Variants in LYST observed in about 807,000 individuals in gnomAD.
The protein encoded by LYST is lysosomal-trafficking regulator.
LYST carries 192 observed loss-of-function variants against 413.6 expected under a neutral mutation model. The observed-to-expected ratio is 0.46, with a 90% CI of 0.41 to 0.52. The LOEUF is 0.52. Among genes scored for constraint, LYST ranks in the 20% least tolerant of loss-of-function variants. The pLI is 0.00. For synonymous variants in LYST, 1,525 were observed against 1,567.3 expected (o/e 0.97, Z 0.64); for missense variants, 3,815 against 4,499.9 (o/e 0.85, Z 4.35).
In LYST at chr1:235,808,745, AT is replaced by A; in HGVS notation, c.2072del (p.Asp691ValfsTer3). ...SGSEDLLWKW[D>X]ALKAYQNFVF... is the part of the protein sequence containing the mutation. Reference sequence around the variant, plus strand: ...CAAAGTTCTGATAAGCCTTTAAAGCATCCCATTTCCACAACAAATCTTCAGA... The same window carrying A: ...CAAAGTTCTGATAAGCCTTTAAAGCACCCATTTCCACAACAAATCTTCAGA... On this transcript the variant is annotated frameshift_variant, in exon 5 of 53. Coordinates refer to ENST00000389793, the MANE Select transcript of LYST (RefSeq NM_000081.4). LOFTEE classifies it high-confidence loss of function. The A allele has an allele frequency of 6.2e-7, 1 of 1,614,034 alleles. No individual in the cohort carries two copies. The highest frequency in any genetic ancestry group is 8.5e-7 in the Non-Finnish European group (1 of 1,179,984).
At chr1:235,826,267 A>G (rs1675324473) in intron 3 of LYST, among the ~76,000 whole-genome samples, 1 of 152,194 alleles carries the variant, frequency 6.6e-6, no homozygotes, top group Admixed American at 6.5e-5. Context: ...TTTGCCCACA[A>G]ATTGTATGCC....
At chr1:235,811,313 G>A (rs13376131) in intron 4 of LYST, among the ~76,000 whole-genome samples, 5,658 of 152,236 alleles carry the variant, frequency 0.037, 347 homozygotes, top group African/African-American at 0.13. Context: ...TAATTAAAAT[G>A]TAAGGATGTA....
intron 48 of LYST, among the ~76,000 whole-genome samples, chr1:235,684,809 G>T (rs558421101): frequency 1.3e-5 from 2 of 150,150 alleles, no homozygotes; most frequent in Admixed American, 6.6e-5. Flanking sequence ...GTTTTTTTTT[G>T]GTAGAAATAA....
At position 235,792,066 on chromosome 1, in the gene LYST, T is replaced by A; in HGVS notation, c.4176A>T (p.Ser1392=). 1 of 1,613,696 alleles carries A rather than the reference T, an allele frequency of 6.2e-7. No homozygotes were observed. The highest frequency in any genetic ancestry group is 8.5e-7 in the Non-Finnish European group (1 of 1,179,596). Residue 1392 remains serine, a synonymous_variant, in exon 12 of 53, where the codon TCA becomes TCT. Coordinates refer to ENST00000389793, the MANE Select transcript of LYST (RefSeq NM_000081.4). ...GCAGTAAAGGGAAGGTTAGATACTG[T>A]GAAGGGCTCATAGTAGTATCACTTT... The part of the protein sequence containing the change: ...IIESDTTMSP[S]QYLTFPLLHA...
At chr1:235,706,501 G>C (rs769794793) in intron 44 of LYST, among the ~76,000 whole-genome samples, 1 of 151,948 alleles carries the variant, frequency 6.6e-6, no homozygotes, top group Non-Finnish European at 1.5e-5. Context: ...TAACTACTTG[G>C]GGTCTTATTT....
At chr1:235,701,696 G>C (rs1661569513) in intron 45 of LYST, among the ~76,000 whole-genome samples, 1 of 152,172 alleles carries the variant, frequency 6.6e-6, no homozygotes, top group Admixed American at 6.5e-5. Context: ...TAATTACAGT[G>C]ACTAAAGTGA....
chr1:235,688,464 T>C (rs891428761), intron 47 of LYST, among the ~76,000 whole-genome samples: 3 of 152,190 alleles, frequency 2.0e-5, no homozygotes, highest in African/African-American at 7.2e-5. Context: ...CAGGAAAGTA[T>C]AAAAGAAGGC....
chr1:235,797,687 CG>C (rs777709844), intron 10 of LYST, among the ~76,000 whole-genome samples: 7 of 151,980 alleles, frequency 4.6e-5, no homozygotes, highest in Non-Finnish European at 1.0e-4. Flanking sequence ...ATAAAACTTA[CG>C]GGGAACATTC....
intron 23 of LYST, 142 bp downstream of exon 23, chr1:235,758,830 G>C: frequency 1.4e-6 from 1 of 712,508 alleles, no homozygotes; most frequent in South Asian, 1.8e-5. Context: ...CTTTCTGTTT[G>C]TTATTATTAT....
intron 40 of LYST, among the ~76,000 whole-genome samples, chr1:235,720,348 T>C (rs751236237): frequency 6.6e-6 from 1 of 152,146 alleles, no homozygotes; most frequent in Non-Finnish European, 1.5e-5. Context: ...CATGGAATTA[T>C]TGTCAATTTT....
chr1:235,797,182 A>G (rs761596211), intron 10 of LYST, among the ~76,000 whole-genome samples: 6 of 152,226 alleles, frequency 3.9e-5, no homozygotes, highest in Non-Finnish European at 8.8e-5. Flanking sequence ...CAGCAGCATT[A>G]TACATAGTAG....
rs1673207228 is a variant in LYST, at chr1:235,809,365, T to C, written c.1453A>G (p.Lys485Glu). ...TGATGAAGTTGCTCTGATTTCACTT[T>C]TTTGACAGTGCTCATTATTTTCATC... ...SVMKIMSTVK[K>E]VKSEQLHHSM... The change falls in exon 5 of 53, where the codon AAA (lysine) becomes GAA (glutamate). Residue 485 changes from lysine to glutamate, a missense_variant. Physicochemically the swap from Lys to Glu is moderately conservative, Grantham distance 56. Transcript: ENST00000389793. The surrounding 1 kb of genome is among the most constrained non-coding windows in gnomAD (Gnocchi z 4.0). 1 of 1,614,006 alleles carries C rather than the reference T, an allele frequency of 6.2e-7. No homozygotes were observed. The highest frequency in any genetic ancestry group is 1.1e-5 in the South Asian group (1 of 91,084).
chr1:235,684,687 C>T (rs1019958709), intron 48 of LYST, among the ~76,000 whole-genome samples: 10 of 152,184 alleles, frequency 6.6e-5, no homozygotes, highest in African/African-American at 2.2e-4. Context: ...GTGGTCACGG[C>T]TTACTGCTGT....
Position 235,785,198 on chromosome 1 carries a change from T to C in LYST, c.4862+2002A>G, listed in dbSNP as rs1029923213. ...CTCCTCCTTCAGGTCTCAGGTTTAA[T>C]ACCCTGTTCTTAGATAGGCCTTCCC... On this transcript the variant is annotated intron_variant, in intron 14 of 52. Coordinates refer to ENST00000389793, the MANE Select transcript of LYST (RefSeq NM_000081.4). Among the ~76,000 whole-genome samples the C allele has an allele frequency of 2.6e-5, 4 of 152,302 alleles. No homozygotes were observed. The East Asian group carries it at 7.7e-4, about 29-fold the overall frequency.
chr1:235,837,875 A>T (rs893205428), intron 1 of LYST, among the ~76,000 whole-genome samples: 7 of 152,072 alleles, frequency 4.6e-5, no homozygotes, highest in Non-Finnish European at 1.0e-4. Flanking sequence ...TTAAAAAAAA[A>T]CCTGATTAAT....
chr1:235,709,377 C>G (rs1662224870), intron 43 of LYST, 69 bp from the exon 44 acceptor site: 4 of 1,250,414 alleles, frequency 3.2e-6, no homozygotes, highest in Non-Finnish European at 3.4e-6. Context: ...CAGAGCAGGT[C>G]TTAAGAGTTC....
chr1:235,877,952 A>G (rs898176869), intron 1 of LYST, among the ~76,000 whole-genome samples: 1 of 152,158 alleles, frequency 6.6e-6, no homozygotes, highest in African/African-American at 2.4e-5. Flanking sequence ...AATATCAAGA[A>G]GACAGGGCAA....
At chr1:235,787,118 T>A (rs1670505821) in intron 14 of LYST, 82 bp downstream of exon 14, 1 of 1,065,664 alleles carries the variant, frequency 9.4e-7, no homozygotes, top group Admixed American at 1.8e-5. Flanking sequence ...GTTTCTGTAT[T>A]CTGTTTCAGA....
chr1:235,862,914 T>A (rs1239622653), intron 1 of LYST, among the ~76,000 whole-genome samples: 1 of 151,926 alleles, frequency 6.6e-6, no homozygotes, highest in African/African-American at 2.4e-5. Context: ...AGAACACTTG[T>A]TCTATTTTAT....
Sources: gnomAD v4.1 joint callset for allele counts (sites outside exome capture counted in the v4.1 genomes callset) on GRCh38, gnomAD v4.1.1 for gene constraint, Gnocchi (gnomAD v3.1) non-coding constraint, MANE v1.5 for transcripts, NCBI Gene and HGNC (gene_info 2026-07-23, HGNC 2026-07-21) for gene names.